Variants in NTNG2 observed in about 807,000 individuals in gnomAD.
The protein encoded by NTNG2 is netrin-G2.
A neutral mutation model predicts 47.6 loss-of-function variants in NTNG2; 15 were observed. The ratio of observed to expected loss-of-function variants is 0.32; its 90% CI spans 0.21 to 0.49. The LOEUF is 0.49. Ranked by LOEUF, NTNG2 falls within the 20% of genes least tolerant of loss-of-function variation. The probability of loss-of-function intolerance (pLI) is 0.99; values close to 1 mark genes in which losing one functional copy is unlikely to be tolerated. For synonymous variants in NTNG2, 307 were observed against 324.6 expected, an observed-to-expected ratio of 0.95 and a Z score of 0.58; for missense variants, 578 against 764.6, an observed-to-expected ratio of 0.76 and a Z score of 2.88.
chr9:132,228,589 A>C (rs1589533968), intron 4 of NTNG2, among the ~76,000 whole-genome samples: 18 of 141,590 alleles, frequency 1.3e-4, no homozygotes, highest in South Asian at 2.2e-4. Flanking sequence ...TAAGTCTCTC[A>C]CTCTGTCGTC....
At chr9:132,171,616 G>A (rs1402458357) in intron 2 of NTNG2, among the ~76,000 whole-genome samples, 2 of 152,214 alleles carry the variant, frequency 1.3e-5, no homozygotes, top group African/African-American at 4.8e-5. Flanking sequence ...CTGTGCCTCA[G>A]TTTACCCAGC....
intron 3 of NTNG2, among the ~76,000 whole-genome samples, chr9:132,207,161 C>A (rs778647368): frequency 6.6e-6 from 1 of 152,260 alleles, no homozygotes; most frequent in Non-Finnish European, 1.5e-5. Flanking sequence ...TTCTCGCCAT[C>A]ATATTAATTC....
intron 5 of NTNG2, chr9:132,233,359 A>T (rs948714131): frequency 6.6e-6 from 1 of 152,278 alleles, no homozygotes; most frequent in African/African-American, 2.4e-5. Flanking sequence ...AGAGGAATCC[A>T]TTTGCAGAGC....
chr9:132,241,011 C>G lies in NTNG2; in HGVS notation c.1324C>G (p.Leu442Val). The stretch of plus-strand genomic sequence containing the variant: ...GGCGGGCCCCAAGTGCGACGACTGC[C>G]TCCCCACGCACTACTGGCGCCAGGG... ...GAAGPKCDDC[L>V]PTHYWRQGCY... Residue 442 changes from leucine (L) to valine (V), a missense_variant, in exon 7 of 8, where the codon CTC becomes GTC. Physicochemically the swap from Leu to Val is conservative, Grantham distance 32 (BLOSUM62 1). Coordinates refer to ENST00000393229, the MANE Select transcript of NTNG2 (RefSeq NM_032536.4). 6.2e-7 allele frequency: 1 copy of G among 1,608,496 alleles called. No homozygotes were observed. Among genetic ancestry groups the G allele is most frequent in the Non-Finnish European group, 8.5e-7 (1 of 1,179,198 alleles).
intron 2 of NTNG2, among the ~76,000 whole-genome samples, chr9:132,185,640 C>G (rs1837304621): frequency 6.6e-6 from 1 of 152,142 alleles, no homozygotes; most frequent in Non-Finnish European, 1.5e-5. Context: ...CGGTGCCTTT[C>G]CCCCGCCCGC....
chr9:132,217,909 G>C (rs1840095564), intron 3 of NTNG2, among the ~76,000 whole-genome samples: 1 of 152,180 alleles, frequency 6.6e-6, no homozygotes, highest in Admixed American at 6.5e-5. Context: ...AACCCCAGTG[G>C]GCACCGCTCT....
At chr9:132,213,556 C>T (rs1009432922) in intron 3 of NTNG2, among the ~76,000 whole-genome samples, 35 of 152,124 alleles carry the variant, frequency 2.3e-4, no homozygotes, top group African/African-American at 7.0e-4. Context: ...CCTCAGAAAG[C>T]GAGGGCCCTT....
At chr9:132,184,785 T>C (rs1837219180) in intron 2 of NTNG2, among the ~76,000 whole-genome samples, 1 of 152,120 alleles carries the variant, frequency 6.6e-6, no homozygotes, top group Non-Finnish European at 1.5e-5. Context: ...TAGCCAGGTG[T>C]GGAGGCACAT....
chr9:132,173,757 G>A (rs6597549), intron 2 of NTNG2, among the ~76,000 whole-genome samples: 3,039 of 135,854 alleles, frequency 0.022, 111 homozygotes, highest in African/African-American at 0.079. Context: ...ATGGATGGAC[G>A]GACGAACGGA....
intron 3 of NTNG2, among the ~76,000 whole-genome samples, chr9:132,210,143 G>A (rs185303439): frequency 7.2e-5 from 11 of 152,272 alleles, no homozygotes; most frequent in African/African-American, 2.6e-4. Flanking sequence ...TGAGTAAAGA[G>A]TGGCACATCA....
intron 5 of NTNG2, among the ~76,000 whole-genome samples, chr9:132,238,370 G>A (rs1019811352): frequency 1.3e-5 from 2 of 152,130 alleles, no homozygotes; most frequent in East Asian, 1.9e-4. Flanking sequence ...TGCAGGAGGC[G>A]GCAGGACATG....
intron 2 of NTNG2, among the ~76,000 whole-genome samples, chr9:132,186,285 G>A (rs1179314791): frequency 1.3e-5 from 2 of 152,164 alleles, no homozygotes; most frequent in Non-Finnish European, 2.9e-5. Context: ...AGGGATGCAC[G>A]GGCACTCTTC....
Position 132,218,989 on chromosome 9 carries a change from G to A in NTNG2, c.858-7860G>A, listed in dbSNP as rs141223633. 4.5e-4 allele frequency among the ~76,000 whole-genome samples: 69 copies of A among 152,218 alleles called. No individual in the cohort carries two copies. Among genetic ancestry groups the A allele is most frequent in the African/African-American group, 1.5e-3 (63 of 41,538 alleles). ...CACATGTAAAGCGTACAATTCAGTC[G>A]CTTTTAGGTTATTCACAGAGTTGTG... On this transcript the variant is annotated intron_variant, in intron 3 of 7. Coordinates refer to ENST00000393229, the MANE Select transcript of NTNG2 (RefSeq NM_032536.4). The surrounding 1 kb of genome is among the most constrained non-coding windows in gnomAD (Gnocchi z 5.4).
At chr9:132,191,008 C>T (rs954793089) in intron 2 of NTNG2, among the ~76,000 whole-genome samples, 2 of 152,164 alleles carry the variant, frequency 1.3e-5, no homozygotes, top group Non-Finnish European at 2.9e-5. Context: ...GGTTGGGTCC[C>T]GTGGAGTCCA....
rs1171624109 is a variant in NTNG2 at position 132,182,616 on chromosome 9, T to A, written c.214-15350T>A. Among the ~76,000 whole-genome samples the A allele has an allele frequency of 1.3e-5, 2 of 152,162 alleles. No homozygotes were observed. Among genetic ancestry groups the A allele is most frequent in the Non-Finnish European group, 1.5e-5 (1 of 68,012 alleles). ...TGACTAGCCGTGATGCCCAGGACCT[T>A]CCCCCAAGGGGCTCAGGCATCAGCT... is the stretch of plus-strand genomic sequence containing the variant. On this transcript the variant is annotated intron_variant, in intron 2 of 7. Transcript: ENST00000393229. This position sits in a 1 kb window ranked among gnomAD's most constrained non-coding sequence, Gnocchi z 4.2.
intron 3 of NTNG2, among the ~76,000 whole-genome samples, chr9:132,222,682 C>A (rs538996743): frequency 6.6e-5 from 10 of 152,136 alleles, no homozygotes; most frequent in Non-Finnish European, 7.3e-5. Context: ...TTCCTGAGTG[C>A]CCCCTCTCCC....
chr9:132,175,603 C>T (rs1179477976), intron 2 of NTNG2, among the ~76,000 whole-genome samples: 1 of 152,222 alleles, frequency 6.6e-6, no homozygotes, highest in Non-Finnish European at 1.5e-5. Flanking sequence ...CTTTGGTTTG[C>T]AGGATCCGAT....
intron 2 of NTNG2, among the ~76,000 whole-genome samples, chr9:132,172,722 ATTTTTTTT>A (rs35406789): frequency 1.2e-5 from 1 of 83,500 alleles, no homozygotes; most frequent in African/African-American, 4.9e-5. Flanking sequence ...TCAGGGCTGT[ATTTTTTTT>A]TTTTTTTTTT....
chr9:132,177,299 A>G (rs1836542219), intron 2 of NTNG2, among the ~76,000 whole-genome samples: 1 of 152,080 alleles, frequency 6.6e-6, no homozygotes, highest in Non-Finnish European at 1.5e-5. Flanking sequence ...TTTTAAATTT[A>G]ATGAACTCCA....
Sources: gnomAD v4.1 joint callset for allele counts (sites outside exome capture counted in the v4.1 genomes callset) on GRCh38, gnomAD v4.1.1 for gene constraint, Gnocchi (gnomAD v3.1) non-coding constraint, MANE v1.5 for transcripts, NCBI Gene and HGNC (gene_info 2026-07-23, HGNC 2026-07-21) for gene names.